The following BICD1 variants were observed in gnomAD, a reference collection of about 807,000 sequenced individuals.
The protein encoded by BICD1 is BICD cargo adaptor 1.
BICD1 carries 35 observed loss-of-function variants against 92.5 expected under a neutral mutation model. The ratio of observed to expected loss-of-function variants is 0.38; its 90% CI spans 0.29 to 0.50. The LOEUF (loss-of-function observed/expected upper bound fraction) is 0.50. Among genes scored for constraint, BICD1 ranks in the 20% least tolerant of loss-of-function variants. The pLI, the probability that BICD1 is intolerant of heterozygous loss-of-function variation, is 0.93. For missense variants in BICD1, 950 were observed against 1,189.8 expected, an observed-to-expected ratio of 0.80 and a Z score of 2.97; for synonymous variants, 429 against 465.1, an observed-to-expected ratio of 0.92 and a Z score of 1.00.
chr12:32,205,860 A>C (rs1008662052), intron 1 of BICD1, among the ~76,000 whole-genome samples: 4 of 150,086 alleles, frequency 2.7e-5, no homozygotes, highest in Admixed American at 2.0e-4. Flanking sequence ...ATAATCCTCC[A>C]CTCCTGTCCC....
At chr12:32,203,635 G>A (rs1944968999) in intron 1 of BICD1, among the ~76,000 whole-genome samples, 2 of 152,150 alleles carry the variant, frequency 1.3e-5, no homozygotes, top group African/African-American at 2.4e-5. Flanking sequence ...GTTGCAGGAG[G>A]GGAGCTAAGT....
intron 7 of BICD1, chr12:32,338,049 A>C: frequency 2.1e-6 from 1 of 469,948 alleles, no homozygotes; most frequent in South Asian, 3.3e-5. Context: ...GATTAATCGT[A>C]ATATAATTTT....
intron 9 of BICD1, among the ~76,000 whole-genome samples, chr12:32,371,225 A>G (rs1015399712): frequency 2.6e-5 from 4 of 152,192 alleles, no homozygotes; most frequent in Non-Finnish European, 4.4e-5. Flanking sequence ...ACATGAATAC[A>G]GCCTGGTCTA....
chr12:32,115,624 AGG>A (rs1399111185), intron 1 of BICD1, among the ~76,000 whole-genome samples: 2 of 152,092 alleles, frequency 1.3e-5, no homozygotes, highest in East Asian at 3.8e-4. Flanking sequence ...TGGTACCCTG[AGG>A]GTAGCATGGA....
intron 1 of BICD1, among the ~76,000 whole-genome samples, chr12:32,151,719 G>C (rs1943293105): frequency 6.6e-6 from 1 of 152,186 alleles, no homozygotes; most frequent in African/African-American, 2.4e-5. Context: ...AAGAGGAGCA[G>C]GGACTGAAAG....
chr12:32,206,466 T>G (rs1338141181), intron 1 of BICD1, among the ~76,000 whole-genome samples: 1 of 151,820 alleles, frequency 6.6e-6, no homozygotes, highest in Non-Finnish European at 1.5e-5. Context: ...ATTAGCTGGG[T>G]GTGGTGGTGC....
At chr12:32,331,302 A>C (rs1937858312) in intron 5 of BICD1, among the ~76,000 whole-genome samples, 1 of 152,184 alleles carries the variant, frequency 6.6e-6, no homozygotes, top group Non-Finnish European at 1.5e-5. Context: ...GGAATTCCGC[A>C]ATTGCCTGTA....
At chr12:32,273,889 T>C (rs1377568452) in intron 2 of BICD1, among the ~76,000 whole-genome samples, 1 of 152,160 alleles carries the variant, frequency 6.6e-6, no homozygotes, top group African/African-American at 2.4e-5. Context: ...CCTCACAGAC[T>C]GAACACCAGG....
At chr12:32,356,830 AC>A (rs1385784399) in intron 8 of BICD1, among the ~76,000 whole-genome samples, 1 of 152,060 alleles carries the variant, frequency 6.6e-6, no homozygotes, top group Non-Finnish European at 1.5e-5. Flanking sequence ...TAACTGTGCA[AC>A]TTTTCTATCT....
intron 1 of BICD1, among the ~76,000 whole-genome samples, chr12:32,114,117 C>T (rs11051802): frequency 6.6e-6 from 1 of 152,050 alleles, no homozygotes; most frequent in Non-Finnish European, 1.5e-5. Flanking sequence ...GTGATCCACC[C>T]ACCTTGGCCT....
chr12:32,299,673 T>C (rs1352911443), intron 3 of BICD1, among the ~76,000 whole-genome samples: 1 of 151,916 alleles, frequency 6.6e-6, no homozygotes, highest in Non-Finnish European at 1.5e-5. Context: ...TTGGGCAACA[T>C]AGTGAGACCT....
chr12:32,148,133 C>T (rs549730273), intron 1 of BICD1, among the ~76,000 whole-genome samples: 383 of 3,242 alleles, frequency 0.12, 2 homozygotes, highest in Middle Eastern at 0.33. Flanking sequence ...CAGAGCGAGA[C>T]TCCGTCTCCA....
chr12:32,348,755 T>A (rs1287591664), intron 8 of BICD1, among the ~76,000 whole-genome samples: 728 of 25,098 alleles, frequency 0.029, 20 homozygotes, highest in African/African-American at 0.21. Flanking sequence ...TATATATATA[T>A]ATATATATAT....
Position 32,380,233 on chromosome 12 carries a change from T to C in BICD1, c.*2606T>C, listed in dbSNP as rs964006260. 6.6e-6 allele frequency: 1 copy of C among 152,196 alleles called. No individual in the cohort carries two copies. The highest frequency in any genetic ancestry group is 1.5e-5 in the Non-Finnish European group (1 of 68,028). The allele number at this position is 152,196 out of a possible 1,614,324, so 9.4% of individuals were successfully genotyped here. A position where few individuals can be genotyped will look rare whatever the true frequency, so the allele number is the denominator to read the frequency against. ...TAGTATAGTTTACACTGAGCCATAT[T>C]TATTTATAGGCATTTAAAGTGAATC... On this transcript the variant is annotated 3_prime_UTR_variant, in exon 10 of 10. Coordinates refer to ENST00000652176, the MANE Select transcript of BICD1 (RefSeq NM_001714.4).
At chr12:32,213,283 C>T (rs1353678843) in intron 1 of BICD1, among the ~76,000 whole-genome samples, 1 of 152,120 alleles carries the variant, frequency 6.6e-6, no homozygotes, top group East Asian at 1.9e-4. Context: ...TGTACAATGT[C>T]CCCAGTTTGG....
intron 3 of BICD1, among the ~76,000 whole-genome samples, chr12:32,302,211 A>C (rs746764838): frequency 2.2e-4 from 33 of 152,224 alleles, no homozygotes; most frequent in Non-Finnish European, 4.0e-4. Context: ...TTTAAAAAAG[A>C]AATCAGAAGT....
Position 32,328,028 on chromosome 12 carries a change from T to C in BICD1, c.1573T>C (p.Cys525Arg), listed in dbSNP as rs767703880. 1.2e-6 allele frequency: 2 copies of C among 1,614,152 alleles called. No individual in the cohort carries two copies. The highest frequency in any genetic ancestry group is 2.2e-5 in the East Asian group (1 of 44,872). ...LAQLYHHVCLCNNETPNRVML... is the reference protein window; with the variant it reads ...LAQLYHHVCLRNNETPNRVML... ...TCAGCTTTACCACCATGTGTGTCTA[T>C]GTAATAATGAAACTCCCAACAGGGT... is the stretch of plus-strand genomic sequence containing the variant. The change falls in exon 5 of 10, where the codon TGT (cysteine) becomes CGT (arginine). Residue 525 changes from cysteine (C) to arginine (R), a missense_variant. Cys to Arg is a radical substitution (Grantham distance 180). This residue lies in a region of BICD1 where 309 missense variants were observed against 499.4 expected (regional missense o/e 0.62). Coordinates refer to ENST00000652176, the MANE Select transcript of BICD1 (RefSeq NM_001714.4). The surrounding 1 kb of genome is among the most constrained non-coding windows in gnomAD (Gnocchi z 4.4).
At chr12:32,202,217 C>G (rs945453383) in intron 1 of BICD1, among the ~76,000 whole-genome samples, 7 of 152,278 alleles carry the variant, frequency 4.6e-5, no homozygotes, top group Admixed American at 2.6e-4. Context: ...TTGGTTGAGA[C>G]AGATTCACCA....
At chr12:32,116,492 T>TTCTC (rs1157756905) in intron 1 of BICD1, among the ~76,000 whole-genome samples, 130 of 123,048 alleles carry the variant, frequency 1.1e-3, no homozygotes, top group African/African-American at 1.8e-3. Context: ...CTCTCTCTCT[T>TTCTC]TCTCTCTCTC....
Sources: allele counts gnomAD v4.1 joint callset (sites outside exome capture counted in the v4.1 genomes callset), GRCh38; gene constraint gnomAD v4.1.1; regional missense constraint gnomAD v4.1.1; non-coding constraint Gnocchi (gnomAD v3.1); transcripts MANE v1.5; gene names NCBI Gene and HGNC (gene_info 2026-07-23, HGNC 2026-07-21).